Variants in EPHA6 observed in about 807,000 individuals in gnomAD.
EPHA6 encodes EPH receptor A6, also known as ephrin type-A receptor 6.
Under a neutral mutation model 112.0 loss-of-function variants are expected in EPHA6, and 50 were observed. That is an observed-to-expected ratio of 0.45 (90% confidence interval 0.36 to 0.56). The LOEUF (loss-of-function observed/expected upper bound fraction) is 0.56. Among genes scored for constraint, EPHA6 ranks in the 20% least tolerant of loss-of-function variants. The pLI is 0.00. For synonymous variants in EPHA6, 529 were observed against 490.7 expected (o/e 1.08, Z -1.03); for missense variants, 1,280 against 1,417.4 (o/e 0.90, Z 1.56).
chr3:96,952,479 C>A (rs1167955033), intron 2 of EPHA6, among the ~76,000 whole-genome samples: 1 of 152,114 alleles, frequency 6.6e-6, no homozygotes, highest in African/African-American at 2.4e-5. Context: ...AGAGGTTTGG[C>A]CCTCTTCGTT....
At position 97,498,330 on chromosome 3, in the gene EPHA6, C is replaced by CAA. The variant is rs1297962805; in HGVS notation, c.2200+14290_2200+14291dup. On this transcript the variant is annotated intron_variant, in intron 10 of 17. Transcript: ENST00000389672. ...CCAAAGAAAAGCCAAAAGAAAATAG[C>CAA]AAAAAAAAAAAAAAAAAAAATGGAG... Among the ~76,000 whole-genome samples the CAA allele has an allele frequency of 6.1e-3, 354 of 58,478 alleles. 2 individuals are homozygous for CAA. The highest frequency in any genetic ancestry group is 0.014 in the Middle Eastern group (1 of 70). 38.4% of individuals were successfully genotyped at this position (58,478 alleles called of 152,430 possible).
chr3:97,272,976 C>T (rs565626108), intron 5 of EPHA6, among the ~76,000 whole-genome samples: 11 of 152,084 alleles, frequency 7.2e-5, no homozygotes, highest in African/African-American at 2.7e-4. Flanking sequence ...CTCAGGGCTG[C>T]TTCGAGCGGG....
Position 97,328,005 on chromosome 3 carries a change from ATGTATATGTG to A in EPHA6, c.1607-77143_1607-77134del, listed in dbSNP as rs1224937818. Among the ~76,000 whole-genome samples, 194 of 137,028 alleles carry A rather than the reference ATGTATATGTG, an allele frequency of 1.4e-3. 3 individuals are homozygous for A. Among genetic ancestry groups the A allele is most frequent in the African/African-American group, 5.5e-3 (177 of 32,370 alleles). 89.9% of individuals were successfully genotyped at this position (137,028 alleles called of 152,430 possible). ...CATATATATGTATATGTGTATGTAT[ATGTATATGTG>A]TATATATGTATATGTGTATATATAC... On this transcript the variant is annotated intron_variant, in intron 5 of 17. Coordinates refer to ENST00000389672, the MANE Select transcript of EPHA6 (RefSeq NM_001080448.3).
intron 14 of EPHA6, among the ~76,000 whole-genome samples, chr3:97,714,536 A>T (rs1279473144): frequency 6.6e-6 from 1 of 152,214 alleles, no homozygotes; most frequent in African/African-American, 2.4e-5. Flanking sequence ...TTTAAAACAC[A>T]TGCACAATAT....
chr3:97,141,361 A>G (rs2075898158), intron 3 of EPHA6, among the ~76,000 whole-genome samples: 1 of 152,206 alleles, frequency 6.6e-6, no homozygotes, highest in East Asian at 1.9e-4. Flanking sequence ...TGTTCTACCT[A>G]TCAGCCGCAG....
chr3:97,619,889 T>C (rs886398411), intron 13 of EPHA6, among the ~76,000 whole-genome samples: 17 of 152,120 alleles, frequency 1.1e-4, no homozygotes, highest in African/African-American at 3.4e-4. Flanking sequence ...CTACCATTGG[T>C]GTTCTTCACA....
At chr3:97,586,416 CTTATT>C (rs2093488377) in intron 11 of EPHA6, among the ~76,000 whole-genome samples, 1 of 152,126 alleles carries the variant, frequency 6.6e-6, no homozygotes, top group Non-Finnish European at 1.5e-5. Context: ...GTGACATAAA[CTTATT>C]GAATCTCTAG....
At chr3:97,139,059 G>T (rs2075831722) in intron 3 of EPHA6, among the ~76,000 whole-genome samples, 1 of 152,100 alleles carries the variant, frequency 6.6e-6, no homozygotes. Context: ...CCTGGCTGTT[G>T]TCCCTAACCC....
rs1207926079 is a variant in EPHA6 at position 97,750,495 on chromosome 3, T to G, written c.*1794T>G. The stretch of plus-strand genomic sequence containing the variant: ...CCTCAGCCACCCGAGTAGCTGGGAT[T>G]ACAGGCGCCTGCCACCACTCCCGGC... On this transcript the variant is annotated 3_prime_UTR_variant, in exon 18 of 18. Coordinates refer to ENST00000389672, the MANE Select transcript of EPHA6 (RefSeq NM_001080448.3). Among the ~76,000 whole-genome samples, 3 of 152,052 alleles carry G rather than the reference T, an allele frequency of 2.0e-5. No individual in the cohort carries two copies. The highest frequency in any genetic ancestry group is 6.6e-5 in the Admixed American group (1 of 15,260).
chr3:97,215,042 A>T (rs575250396), intron 3 of EPHA6, among the ~76,000 whole-genome samples: 3 of 152,220 alleles, frequency 2.0e-5, no homozygotes, highest in Non-Finnish European at 4.4e-5. Flanking sequence ...GTTTATCTAA[A>T]CTTACAGGCT....
chr3:97,105,514 G>A (rs1488461410), intron 3 of EPHA6, among the ~76,000 whole-genome samples: 1 of 152,092 alleles, frequency 6.6e-6, no homozygotes, highest in African/African-American at 2.4e-5. Context: ...TTGTCCAATA[G>A]TGTGTTTGGT....
intron 2 of EPHA6, among the ~76,000 whole-genome samples, chr3:96,873,807 A>G (rs972884437): frequency 2.6e-5 from 4 of 152,154 alleles, no homozygotes; most frequent in Non-Finnish European, 5.9e-5. Context: ...AAGAATAACC[A>G]TGTACATTTC....
intron 1 of EPHA6, among the ~76,000 whole-genome samples, chr3:96,847,731 G>GA (rs2035153937): frequency 6.6e-6 from 1 of 152,012 alleles, no homozygotes; most frequent in African/African-American, 2.4e-5. Context: ...GCATACTTTG[G>GA]AACGGTACAA....
rs9869865 is a variant in EPHA6, at chr3:97,675,097, G to A, written c.2784+37015G>A. 3.7e-3 allele frequency among the ~76,000 whole-genome samples: 557 copies of A among 152,230 alleles called. 3 individuals carry two copies. The highest frequency in any genetic ancestry group is 0.012 in the African/African-American group (482 of 41,552). ...TTATTCTGTGTACACCTAACAAAAC[G>A]TGTAGAAAGCAATTAGAGACCTGCA... On this transcript the variant is annotated intron_variant, in intron 14 of 17. Coordinates refer to ENST00000389672, the MANE Select transcript of EPHA6 (RefSeq NM_001080448.3).
intron 14 of EPHA6, among the ~76,000 whole-genome samples, chr3:97,690,074 A>G (rs557453760): frequency 3.3e-5 from 5 of 152,338 alleles, no homozygotes; most frequent in Admixed American, 3.3e-4. Flanking sequence ...GCTGTTATGG[A>G]TAATTTTGCT....
At chr3:97,583,328 A>G (rs1212249714) in intron 11 of EPHA6, among the ~76,000 whole-genome samples, 1 of 151,976 alleles carries the variant, frequency 6.6e-6, no homozygotes, top group Non-Finnish European at 1.5e-5. Context: ...TCACAAAGTC[A>G]GGAGATCGAG....
At chr3:96,966,740 T>C (rs1007136778) in intron 2 of EPHA6, among the ~76,000 whole-genome samples, 4 of 152,048 alleles carry the variant, frequency 2.6e-5, no homozygotes, top group African/African-American at 9.7e-5. Context: ...AAATGACATA[T>C]TTTTATGCTC....
intron 5 of EPHA6, among the ~76,000 whole-genome samples, chr3:97,316,300 G>C (rs1416570749): frequency 1.3e-5 from 2 of 151,694 alleles, no homozygotes; most frequent in African/African-American, 4.8e-5. Flanking sequence ...TTGGCAATTG[G>C]CAACTTTTAT....
At chr3:97,247,212 G>A (rs2079010944) in intron 5 of EPHA6, among the ~76,000 whole-genome samples, 1 of 151,892 alleles carries the variant, frequency 6.6e-6, no homozygotes, top group Non-Finnish European at 1.5e-5. Flanking sequence ...GAGTAAAGTG[G>A]TTTACCTTCT....
Sources: allele counts gnomAD v4.1 joint callset (sites outside exome capture counted in the v4.1 genomes callset), GRCh38; gene constraint gnomAD v4.1.1; transcripts MANE v1.5; gene names NCBI Gene and HGNC (gene_info 2026-07-23, HGNC 2026-07-21).